Variants in SEMA3C observed in about 807,000 individuals in gnomAD.
SEMA3C encodes the protein semaphorin-3C.
Under a neutral mutation model 89.4 loss-of-function variants are expected in SEMA3C, and 47 were observed. That is an observed-to-expected ratio of 0.53 (90% CI 0.42 to 0.67). The LOEUF is 0.67. SEMA3C is among the 30% of genes least tolerant of loss of function. The pLI is 0.00. For synonymous variants in SEMA3C, 310 were observed against 320.2 expected, an observed-to-expected ratio of 0.97 and a Z score of 0.34; for missense variants, 839 against 929.1, an observed-to-expected ratio of 0.90 and a Z score of 1.26.
upstream of SEMA3C, chr7:80,919,064 GC>G (rs1410740047): frequency 1.0e-6 from 1 of 985,200 alleles, no homozygotes; most frequent in Non-Finnish European, 1.2e-6. Flanking sequence ...ATGGAAAGTG[GC>G]CGGAGGCCGG....
In SEMA3C at chr7:80,918,972, C is replaced by A. The variant is rs754416227; in HGVS notation, c.-183G>T. 29 of 985,288 alleles carry A rather than the reference C, an allele frequency of 2.9e-5. No individual in the cohort carries two copies. The highest frequency in any genetic ancestry group is 3.3e-5 in the Non-Finnish European group (27 of 829,934). 61.0% of individuals were successfully genotyped at this position (985,288 alleles called of 1,614,324 possible). On this transcript the variant is annotated 5_prime_UTR_variant, in exon 1 of 18. Coordinates refer to ENST00000265361, the MANE Select transcript of SEMA3C (RefSeq NM_006379.5). ...TCTTTCTTCCCGGTCCTCTGAGTTT[C>A]TTTGTAAAGGAATCTCAGCGCTGCA...
chr7:80,847,557 C>T (rs1218831468), intron 2 of SEMA3C, among the ~76,000 whole-genome samples: 1 of 152,158 alleles, frequency 6.6e-6, no homozygotes, highest in African/African-American at 2.4e-5. Context: ...GAGGAACATA[C>T]TTAAACAACA....
chr7:80,800,977 A>G, intron 9 of SEMA3C, 151 bp from the exon 10 acceptor site: 1 of 465,164 alleles, frequency 2.1e-6, no homozygotes, highest in South Asian at 4.7e-5. Flanking sequence ...AAATAATGAT[A>G]GAAACACTAA....
At chr7:80,773,649 G>A (rs1007844072) in intron 12 of SEMA3C, among the ~76,000 whole-genome samples, 12 of 152,162 alleles carry the variant, frequency 7.9e-5, no homozygotes, top group African/African-American at 2.9e-4. Flanking sequence ...GAGAGCTTGT[G>A]TTTAAGCATG....
At chr7:80,818,957 C>T (rs991482887) in intron 4 of SEMA3C, among the ~76,000 whole-genome samples, 1 of 152,202 alleles carries the variant, frequency 6.6e-6, no homozygotes, top group African/African-American at 2.4e-5. Context: ...TGATTACCTA[C>T]TATTTGCCAG....
rs1392018577 is a variant in SEMA3C, at chr7:80,827,442, C to A, written c.310G>T (p.Ala104Ser). 2 of 1,574,168 alleles carry A rather than the reference C, an allele frequency of 1.3e-6. No individual in the cohort carries two copies. Among genetic ancestry groups the A allele is most frequent in the African/African-American group, 1.4e-5 (1 of 70,192 alleles). ...ACACTTACTGTGGGATCTTTGCCAGCCATTTTGCATTCTTCAACTTTGATT... is the reference window on the plus strand; with the variant it reads ...ACACTTACTGTGGGATCTTTGCCAGACATTTTGCATTCTTCAACTTTGATT... ...STIKVEECKM[A>S]GKDPTHGCGN... Residue 104 changes from alanine (A) to serine (S), a missense_variant, in exon 4 of 18, where the codon GCT becomes TCT. Transcript: ENST00000265361.
intron 13 of SEMA3C, among the ~76,000 whole-genome samples, chr7:80,763,487 C>T (rs1313369565): frequency 6.6e-6 from 1 of 152,128 alleles, no homozygotes; most frequent in Non-Finnish European, 1.5e-5. Flanking sequence ...TGATGTCCCC[C>T]ACGTGCATTC....
At chr7:80,797,881 C>T (rs1227525424) in intron 11 of SEMA3C, among the ~76,000 whole-genome samples, 8 of 151,908 alleles carry the variant, frequency 5.3e-5, no homozygotes, top group Admixed American at 5.2e-4. Context: ...GCTTGTAATC[C>T]CAGTTACTTA....
chr7:80,800,915 G>T, intron 9 of SEMA3C, 89 bp from the exon 10 acceptor site: 1 of 735,266 alleles, frequency 1.4e-6, no homozygotes, highest in Non-Finnish European at 2.2e-6. Flanking sequence ...TTTCAACTCT[G>T]AAAAGTACTC....
intron 4 of SEMA3C, among the ~76,000 whole-genome samples, chr7:80,823,714 G>T (rs778742066): frequency 6.6e-6 from 1 of 152,036 alleles, no homozygotes; most frequent in Non-Finnish European, 1.5e-5. Flanking sequence ...CCATGTGCAT[G>T]TAATGTATAT....
chr7:80,900,014 T>C (rs1791837699), intron 2 of SEMA3C, among the ~76,000 whole-genome samples: 1 of 152,198 alleles, frequency 6.6e-6, no homozygotes, highest in Non-Finnish European at 1.5e-5. Context: ...TGGTGAAGTC[T>C]GGGATTTTCA....
Position 80,789,503 on chromosome 7 carries a change from T to C in SEMA3C, c.1157A>G (p.Asn386Ser), listed in dbSNP as rs554229409. The C allele has an allele frequency of 1.2e-6, 2 of 1,613,144 alleles. No individual in the cohort carries two copies. The highest frequency in any genetic ancestry group is 1.1e-5 in the South Asian group (1 of 90,938). ...GTCPGGAFTPNMRTTKEFPDD... is the reference protein window; with the variant it reads ...GTCPGGAFTPSMRTTKEFPDD... ...TGGGAACTCCTTGGTGGTTCGCATA[T>C]TGGGTGTAAATGCTCCTCCTGGACA... Residue 386 changes from asparagine to serine, a missense_variant, in exon 12 of 18, where the codon AAT becomes AGT. By Grantham distance (46) the Asn-to-Ser change is conservative (BLOSUM62 1). Coordinates refer to ENST00000265361, the MANE Select transcript of SEMA3C (RefSeq NM_006379.5).
At chr7:80,914,595 A>T (rs546546977) in intron 2 of SEMA3C, among the ~76,000 whole-genome samples, 1 of 152,178 alleles carries the variant, frequency 6.6e-6, no homozygotes, top group Non-Finnish European at 1.5e-5. Flanking sequence ...TCTTTTAAAC[A>T]GTATTCAAAA....
At chr7:80,833,637 G>A (rs969029959) in intron 2 of SEMA3C, among the ~76,000 whole-genome samples, 5 of 152,132 alleles carry the variant, frequency 3.3e-5, no homozygotes, top group African/African-American at 1.2e-4. Flanking sequence ...ACTGATAGTT[G>A]ACAGCTGTTA....
At chr7:80,920,677 T>C (rs1013234030), upstream of SEMA3C, among the ~76,000 whole-genome samples, 21 of 152,200 alleles carry the variant, frequency 1.4e-4, no homozygotes, top group African/African-American at 4.8e-4. Context: ...AAAATTAATA[T>C]AGTAACAACA....
intron 6 of SEMA3C, among the ~76,000 whole-genome samples, chr7:80,806,517 G>A (rs1383407987): frequency 3.9e-5 from 6 of 152,070 alleles, no homozygotes; most frequent in South Asian, 2.1e-4. Context: ...AATAGAATAC[G>A]ATAAGAAAGA....
chr7:80,845,555 C>T (rs766412887), intron 2 of SEMA3C, among the ~76,000 whole-genome samples: 15 of 152,110 alleles, frequency 9.9e-5, no homozygotes, highest in Non-Finnish European at 2.1e-4. Flanking sequence ...TACCAATCAG[C>T]TGCTGAGCCT....
intron 15 of SEMA3C, among the ~76,000 whole-genome samples, chr7:80,754,481 G>C (rs575734056): frequency 4.0e-5 from 6 of 151,628 alleles, no homozygotes; most frequent in Non-Finnish European, 7.4e-5. Flanking sequence ...AATAAATGTG[G>C]AAAAGTACTC....
At chr7:80,827,292 T>G in intron 4 of SEMA3C, 133 bp downstream of exon 4, 2 of 883,550 alleles carry the variant, frequency 2.3e-6, no homozygotes, top group Non-Finnish European at 3.2e-6. Flanking sequence ...GTTTAGGTTT[T>G]TAGCCTGTGT....
Sources: gnomAD v4.1 joint callset for allele counts (sites outside exome capture counted in the v4.1 genomes callset) on GRCh38, gnomAD v4.1.1 for gene constraint, MANE v1.5 for transcripts, NCBI Gene and HGNC (gene_info 2026-07-23, HGNC 2026-07-21) for gene names.